Variants in KLRG1 observed in about 807,000 individuals in gnomAD.
KLRG1 encodes killer cell lectin like receptor G1, also known as killer cell lectin-like receptor subfamily G member 1.
Under a neutral mutation model 21.8 loss-of-function variants are expected in KLRG1, and 16 were observed. That is an observed-to-expected ratio of 0.73 (90% CI 0.50 to 1.11). KLRG1 has a LOEUF of 1.11. Ranked by LOEUF, KLRG1 falls within the 50% of genes most tolerant of loss-of-function variation. The probability of loss-of-function intolerance (pLI) is 0.00; values close to 1 mark genes in which losing one functional copy is unlikely to be tolerated. For missense variants in KLRG1, 173 were observed against 218.3 expected (o/e 0.79, Z 1.31); for synonymous variants, 69 against 75.9 (o/e 0.91, Z 0.47).
At chr12:9,163,031 C>G in the KLRG1 span, among the ~76,000 whole-genome samples, 1 of 152,086 alleles carries the variant, frequency 6.6e-6, no homozygotes, top group Non-Finnish European at 1.5e-5. Flanking sequence ...ACATAACATC[C>G]TACTTGTTAT....
At chr12:8,983,854 T>C (rs1946800544) in intron 1 of KLRG1, among the ~76,000 whole-genome samples, 1 of 152,202 alleles carries the variant, frequency 6.6e-6, no homozygotes, top group Non-Finnish European at 1.5e-5. Flanking sequence ...CTTTGGTTTT[T>C]ATTAGTTTTA....
At chr12:9,132,882 C>T in the KLRG1 span, among the ~76,000 whole-genome samples, 4 of 152,168 alleles carry the variant, frequency 2.6e-5, no homozygotes, top group Non-Finnish European at 5.9e-5. Context: ...TTATGAAACA[C>T]TACTGATCAC....
the KLRG1 span, among the ~76,000 whole-genome samples, chr12:9,204,876 C>G: frequency 1.3e-5 from 2 of 152,032 alleles, no homozygotes; most frequent in African/African-American, 2.4e-5. Context: ...AGGAGAGTCA[C>G]TTGAGGCCAG....
At chr12:9,003,142 A>T (rs1947355749) in intron 3 of KLRG1, among the ~76,000 whole-genome samples, 2 of 152,080 alleles carry the variant, frequency 1.3e-5, no homozygotes, top group African/African-American at 4.8e-5. Context: ...TGAGCACAGG[A>T]TTGGGGTTTG....
At chr12:9,140,961 G>T in the KLRG1 span, among the ~76,000 whole-genome samples, 11 of 152,100 alleles carry the variant, frequency 7.2e-5, no homozygotes, top group Non-Finnish European at 1.5e-4. Context: ...GATTCTTATT[G>T]CACTGATGGA....
the KLRG1 span, among the ~76,000 whole-genome samples, chr12:9,022,232 T>C: frequency 2.0e-4 from 31 of 152,342 alleles, no homozygotes; most frequent in African/African-American, 7.5e-4. Flanking sequence ...GTATGTGCTA[T>C]ACTTTTACGT....
chr12:9,175,008 A>G, the KLRG1 span, among the ~76,000 whole-genome samples: 2 of 152,334 alleles, frequency 1.3e-5, no homozygotes, highest in South Asian at 4.1e-4. Context: ...TGCCAAGACA[A>G]TTCTAAGCAA....
chr12:9,215,067 A>G, the KLRG1 span, among the ~76,000 whole-genome samples: 1 of 151,974 alleles, frequency 6.6e-6, no homozygotes, highest in Admixed American at 6.6e-5. Flanking sequence ...TCATTTTGTT[A>G]GTATTCCAAT....
chr12:9,157,494 T>G, the KLRG1 span: 2 of 850,634 alleles, frequency 2.4e-6, no homozygotes, highest in Non-Finnish European at 3.6e-6. Flanking sequence ...CATATTTAAA[T>G]AGAAAAATAT....
chr12:9,181,271 C>T, the KLRG1 span: 8 of 1,063,142 alleles, frequency 7.5e-6, no homozygotes, highest in Middle Eastern at 4.2e-4. Flanking sequence ...ATTTTTACAA[C>T]TTTCCTTCAC....
At chr12:9,077,714 T>C in the KLRG1 span, 1 of 1,614,142 alleles carries the variant, frequency 6.2e-7, no homozygotes, top group Non-Finnish European at 8.5e-7. Context: ...TATGGCATTG[T>C]TGAGCAGTGA....
At chr12:9,152,221 A>G in the KLRG1 span, 1 of 1,595,066 alleles carries the variant, frequency 6.3e-7, no homozygotes, top group Non-Finnish European at 8.6e-7. Context: ...TACACCTACC[A>G]TTTTTACTGT....
the KLRG1 span, chr12:9,067,336 G>A: frequency 9.3e-6 from 2 of 214,342 alleles, no homozygotes; most frequent in Admixed American, 5.3e-5. Flanking sequence ...CCCAATTCAG[G>A]TCAAGTCCCA....
At chr12:8,978,680 C>CTTTCT (rs1946703046) in intron 1 of KLRG1, among the ~76,000 whole-genome samples, 1 of 124,502 alleles carries the variant, frequency 8.0e-6, no homozygotes, top group Admixed American at 9.4e-5. Context: ...TTCTTTCTTT[C>CTTTCT]TTTCTTTCTT....
Position 9,007,546 on chromosome 12 carries a change from C to T in KLRG1, c.358-1429C>T, listed in dbSNP as rs566917031. The stretch of plus-strand genomic sequence containing the variant: ...TCGGCCTCCCTAAGTGCTGGGATCA[C>T]AGGTGTGAGCCACTGTGCCTGGCCC... On this transcript the variant is annotated intron_variant, in intron 3 of 4. Transcript: ENST00000356986. Among the ~76,000 whole-genome samples the T allele has an allele frequency of 1.6e-4, 24 of 152,352 alleles. No individual in the cohort carries two copies. The Middle Eastern group carries it at 0.01, about 65-fold the overall frequency.
At chr12:9,109,735 G>A in the KLRG1 span, 1 of 842,796 alleles carries the variant, frequency 1.2e-6, no homozygotes, top group South Asian at 2.0e-5. Context: ...TTGGACTTAG[G>A]TGTAATTAAT....
At chr12:9,030,145 G>GACA in the KLRG1 span, among the ~76,000 whole-genome samples, 1 of 152,184 alleles carries the variant, frequency 6.6e-6, no homozygotes, top group African/African-American at 2.4e-5. Context: ...GAAGAGAGAA[G>GACA]ACAGACTGAG....
At chr12:9,055,589 TAG>T in the KLRG1 span, 1 of 152,404 alleles carries the variant, frequency 6.6e-6, no homozygotes, top group Non-Finnish European at 1.5e-5. Context: ...GAATCAATTA[TAG>T]AGTCTCTAGA....
At chr12:9,133,437 G>T in the KLRG1 span, among the ~76,000 whole-genome samples, 4 of 152,154 alleles carry the variant, frequency 2.6e-5, no homozygotes, top group Non-Finnish European at 5.9e-5. Context: ...TGCCATTGGG[G>T]ATTATACATT....
Sources: allele counts gnomAD v4.1 joint callset (sites outside exome capture counted in the v4.1 genomes callset), GRCh38; gene constraint gnomAD v4.1.1; transcripts MANE v1.5; gene names NCBI Gene and HGNC (gene_info 2026-07-23, HGNC 2026-07-21).